Variants in CHAF1B observed in about 807,000 individuals in gnomAD.
The protein encoded by CHAF1B is CAF-1 subunit B.
Under a neutral mutation model 60.7 loss-of-function variants are expected in CHAF1B, and 10 were observed. The observed-to-expected ratio is 0.16, with a 90% CI of 0.10 to 0.28. CHAF1B has a LOEUF of 0.28. CHAF1B is among the 10% of genes least tolerant of loss of function. The pLI, the probability that CHAF1B is intolerant of heterozygous loss-of-function variation, is 1.00. For missense variants in CHAF1B, 558 were observed against 708.4 expected (o/e 0.79, Z 2.41); for synonymous variants, 261 against 266.1 (o/e 0.98, Z 0.19).
At chr21:36,393,185 A>G (rs1326019131) in intron 4 of CHAF1B, among the ~76,000 whole-genome samples, 1 of 152,200 alleles carries the variant, frequency 6.6e-6, no homozygotes, top group African/African-American at 2.4e-5. Flanking sequence ...TCGGCTTGGC[A>G]TCAGAGGGAG....
At chr21:36,399,430 C>A in intron 6 of CHAF1B, 91 bp from the exon 7 acceptor site, 1 of 1,030,930 alleles carries the variant, frequency 9.7e-7, no homozygotes, top group Non-Finnish European at 1.5e-6. Context: ...AAAACTGTTG[C>A]GGTGGTAATA....
At chr21:36,397,628 G>T (rs1055976164) in intron 6 of CHAF1B, 117 bp downstream of exon 6, 9 of 403,344 alleles carry the variant, frequency 2.2e-5, no homozygotes, top group African/African-American at 8.4e-5. Context: ...TGATTCTTTT[G>T]TTCTTGTTTT....
At position 36,391,576 on chromosome 21, in the gene CHAF1B, G is replaced by A; in HGVS notation, c.285G>A (p.Val95=). 2 of 1,612,934 alleles carry A rather than the reference G, an allele frequency of 1.2e-6. No individual in the cohort carries two copies. The highest frequency in any genetic ancestry group is 8.5e-7 in the Non-Finnish European group (1 of 1,179,120). Residue 95 remains valine (V), a synonymous_variant, in exon 4 of 14, where the codon GTG becomes GTA. Coordinates refer to ENST00000314103, the MANE Select transcript of CHAF1B (RefSeq NM_005441.3). ...GDDAVILLWK[V]NDNKEPEQIA... is the part of the protein sequence containing the mutation. ...ATGCTGTCATCCTATTGTGGAAGGT[G>A]AATGATAACAAGGAGCCGGAGCAGA...
In CHAF1B at chr21:36,415,233, A is replaced by C. The variant is rs1354791747; in HGVS notation, c.1494-62A>C. On this transcript the variant is annotated intron_variant, in intron 12 of 13. Coordinates refer to ENST00000314103, the MANE Select transcript of CHAF1B (RefSeq NM_005441.3). ...GTAGTTTTGAAGGTTGGTATCATAC[A>C]TAAACAATTCCTGTGATACTAATGA... 13 of 1,020,358 alleles carry C rather than the reference A, an allele frequency of 1.3e-5. No homozygotes were observed. In the Admixed American group the frequency reaches 1.3e-4, roughly 10 times the overall value. The allele number at this position is 1,020,358 out of a possible 1,614,324, so 63.2% of individuals were successfully genotyped here.
In CHAF1B at chr21:36,402,807, G is replaced by T; in HGVS notation, c.713G>T (p.Arg238Leu). The change falls in exon 8 of 14, where the codon CGT (arginine) becomes CTT (leucine). Residue 238 changes from arginine (R) to leucine (L), a missense_variant. Arg to Leu is a moderately radical substitution (Grantham distance 102, BLOSUM62 -2). Transcript: ENST00000314103. ...FHDDSMKSFF[R>L]RLSFTPDGSL... ...GACGACAGCATGAAGTCTTTCTTCC[G>T]TAGACTGAGTTTCACTCCCGACGGA... 6.2e-7 allele frequency: 1 copy of T among 1,614,032 alleles called. No individual in the cohort carries two copies. Among genetic ancestry groups the T allele is most frequent in the Non-Finnish European group, 8.5e-7 (1 of 1,179,956 alleles).
chr21:36,408,929 A>G (rs1601567058), intron 9 of CHAF1B, 99 bp downstream of exon 9: 1 of 792,164 alleles, frequency 1.3e-6, no homozygotes. Flanking sequence ...ATCTCTGCTC[A>G]CTGCAACCTC....
chr21:36,417,888 T>C lies in CHAF1B; in HGVS notation c.*1522T>C, dbSNP rs1043489531. 6.6e-6 allele frequency: 1 copy of C among 152,112 alleles called. No individual in the cohort carries two copies. The highest frequency in any genetic ancestry group is 2.4e-5 in the African/African-American group (1 of 41,428). The allele number at this position is 152,112 out of a possible 1,614,324, so 9.4% of individuals were successfully genotyped here. Reference sequence around the variant, plus strand: ...GATTTGGCCTAATCGGTCTGGGGTATGTTCTGAATATTAGGATTTCTTAAA... The same window carrying C: ...GATTTGGCCTAATCGGTCTGGGGTACGTTCTGAATATTAGGATTTCTTAAA... On this transcript the variant is annotated 3_prime_UTR_variant, in exon 14 of 14. Coordinates refer to ENST00000314103, the MANE Select transcript of CHAF1B (RefSeq NM_005441.3).
intron 13 of CHAF1B, 147 bp downstream of exon 13, chr21:36,415,536 T>G: frequency 1.6e-6 from 1 of 634,096 alleles, no homozygotes; most frequent in Non-Finnish European, 2.7e-6. Flanking sequence ...ACCCGCCGGC[T>G]GCCTGTTTAC....
chr21:36,411,931 G>T (rs2086281185), intron 11 of CHAF1B, among the ~76,000 whole-genome samples: 1 of 152,090 alleles, frequency 6.6e-6, no homozygotes, highest in African/African-American at 2.4e-5. Context: ...GTTTCGCCCT[G>T]TTGGCCAGGC....
intron 12 of CHAF1B, among the ~76,000 whole-genome samples, chr21:36,413,739 A>C (rs1171784769): frequency 6.6e-6 from 1 of 152,110 alleles, no homozygotes; most frequent in East Asian, 1.9e-4. Context: ...GAGTCTCCTG[A>C]AAGACCCATT....
At position 36,386,395 on chromosome 21, in the gene CHAF1B, A is replaced by G. The variant is rs529847534; in HGVS notation, c.126+133A>G. 1,066 of 1,141,582 alleles carry G rather than the reference A, an allele frequency of 9.3e-4. 2 individuals are homozygous for G. The highest frequency in any genetic ancestry group is 1.1e-3 in the Non-Finnish European group (894 of 818,798). The allele number at this position is 1,141,582 out of a possible 1,614,324, so 70.7% of individuals were successfully genotyped here. On this transcript the variant is annotated intron_variant, in intron 2 of 13. Transcript: ENST00000314103. ...CCCAGTGCTTTGGGAGGCTGAGGTG[A>G]GAGGATCGCTTGAGTCCAGGAGTTC... is the stretch of plus-strand genomic sequence containing the variant.
At chr21:36,397,114 C>A (rs1441480892) in intron 5 of CHAF1B, among the ~76,000 whole-genome samples, 1 of 152,182 alleles carries the variant, frequency 6.6e-6, no homozygotes, top group Non-Finnish European at 1.5e-5. Flanking sequence ...GGGAACTGAA[C>A]TTAGATCTTC....
At chr21:36,410,756 G>C (rs2086272045) in intron 10 of CHAF1B, among the ~76,000 whole-genome samples, 1 of 151,372 alleles carries the variant, frequency 6.6e-6, no homozygotes, top group Non-Finnish European at 1.5e-5. Context: ...CGTCTCCCAG[G>C]TTCAAGTGAA....
chr21:36,406,338 A>G (rs1304023694), intron 8 of CHAF1B, among the ~76,000 whole-genome samples: 1 of 152,082 alleles, frequency 6.6e-6, no homozygotes. Flanking sequence ...CAGGCTTGAG[A>G]GCATTGGCGT....
chr21:36,403,928 C>T (rs1016985240), intron 8 of CHAF1B, among the ~76,000 whole-genome samples: 2 of 152,128 alleles, frequency 1.3e-5, no homozygotes, highest in Non-Finnish European at 2.9e-5. Flanking sequence ...CTGAGAAGGG[C>T]GTGAATCACA....
At position 36,386,182 on chromosome 21, in the gene CHAF1B, G is replaced by A. The variant is rs1272453875; in HGVS notation, c.46G>A (p.Val16Met). 4.3e-6 allele frequency: 7 copies of A among 1,614,086 alleles called. No individual in the cohort carries two copies. The highest frequency in any genetic ancestry group is 3.3e-5 in the Admixed American group (2 of 60,010). ...CEIAWHNKEP[V>M]YSLDFQHGTA... ...AATAGCCTGGCACAACAAGGAGCCC[G>A]TGTACAGCCTGGACTTCCAGCATGG... The change falls in exon 2 of 14, where the codon GTG (valine) becomes ATG (methionine). Residue 16 changes from valine to methionine, a missense_variant. Coordinates refer to ENST00000314103, the MANE Select transcript of CHAF1B (RefSeq NM_005441.3).
chr21:36,387,847 T>TC lies in CHAF1B; in HGVS notation c.259+118dup, dbSNP rs2086047523. 39 of 1,225,454 alleles carry TC rather than the reference T, an allele frequency of 3.2e-5. No homozygotes were observed. The South Asian group carries it at 5.5e-4, about 17-fold the overall frequency. 75.9% of individuals were successfully genotyped at this position (1,225,454 alleles called of 1,614,324 possible). Reference sequence around the variant, plus strand: ...TTTTTTTTTTTTTTGAGATAGAGTTTCACTCTTGTTCCCCAGGCTGGAGTG... The same window carrying TC: ...TTTTTTTTTTTTTTGAGATAGAGTTTCCACTCTTGTTCCCCAGGCTGGAGTG... On this transcript the variant is annotated intron_variant, in intron 3 of 13. Coordinates refer to ENST00000314103, the MANE Select transcript of CHAF1B (RefSeq NM_005441.3).
At chr21:36,413,337 A>G in intron 12 of CHAF1B, 22 bp downstream of exon 12, 2 of 1,528,536 alleles carry the variant, frequency 1.3e-6, no homozygotes, top group Non-Finnish European at 1.8e-6. Flanking sequence ...TTGGAACAAG[A>G]TGTCATTGCA....
At chr21:36,413,414 G>C in intron 12 of CHAF1B, 99 bp downstream of exon 12, 2 of 1,146,620 alleles carry the variant, frequency 1.7e-6, no homozygotes, top group Non-Finnish European at 2.4e-6. Context: ...GGCGGTGAAT[G>C]CTTCATGCCA....
Sources: allele counts gnomAD v4.1 joint callset (sites outside exome capture counted in the v4.1 genomes callset), GRCh38; gene constraint gnomAD v4.1.1; transcripts MANE v1.5; gene names NCBI Gene and HGNC (gene_info 2026-07-23, HGNC 2026-07-21).